The following ANKRD45 variants were observed in gnomAD, a reference collection of about 807,000 sequenced individuals.
ANKRD45 encodes ankyrin repeat domain-containing protein 45.
ANKRD45 carries 21 observed loss-of-function variants against 28.1 expected under a neutral mutation model. The observed-to-expected ratio is 0.75, with a 90% CI of 0.53 to 1.08. The LOEUF (loss-of-function observed/expected upper bound fraction) is 1.08, where lower values mean the gene tolerates loss of function less well. ANKRD45 is among the 50% of genes least tolerant of loss of function. ANKRD45 has a pLI of 0.00. For synonymous variants in ANKRD45, 86 were observed against 103.9 expected (o/e 0.83, Z 1.05); for missense variants, 261 against 308.7 (o/e 0.85, Z 1.16).
Position 173,608,380 on chromosome 1 carries a change from C to T in ANKRD45, c.*1765G>A, listed in dbSNP as rs1021779937. ...TCACCCAGGCTGGAATGCAGTGGTG[C>T]GATCTCGGCTCACTGCAACCTCCAC... On this transcript the variant is annotated 3_prime_UTR_variant, in exon 6 of 6. Transcript: ENST00000333279. Among the ~76,000 whole-genome samples, 54 of 152,190 alleles carry T rather than the reference C, an allele frequency of 3.5e-4. No individual in the cohort carries two copies. The highest frequency in any genetic ancestry group is 2.5e-3 in the Admixed American group (38 of 15,296).
At chr1:173,627,709 G>A (rs867683823) in intron 3 of ANKRD45, among the ~76,000 whole-genome samples, 5 of 152,040 alleles carry the variant, frequency 3.3e-5, no homozygotes, top group African/African-American at 7.3e-5. Context: ...CACGAGGGCT[G>A]CAATTCCTGG....
intron 3 of ANKRD45, chr1:173,635,749 A>G (rs762024453): frequency 6.5e-7 from 1 of 1,535,498 alleles, no homozygotes; most frequent in South Asian, 1.2e-5. Context: ...AGGGTTGTTT[A>G]TATCTCATTT....
chr1:173,702,908 T>G, the ANKRD45 span, among the ~76,000 whole-genome samples: 12,511 of 151,894 alleles, frequency 0.082, 749 homozygotes, highest in East Asian at 0.32. Flanking sequence ...TTATTTCTTT[T>G]ACAGACAGGA....
At chr1:173,634,514 A>G (rs1195416289) in intron 3 of ANKRD45, among the ~76,000 whole-genome samples, 2 of 151,778 alleles carry the variant, frequency 1.3e-5, no homozygotes, top group Non-Finnish European at 3.0e-5. Context: ...TGCTTCCCCA[A>G]TCTTAGATAC....
chr1:173,651,945 T>G (rs1388401819), intron 2 of ANKRD45, among the ~76,000 whole-genome samples: 1 of 152,260 alleles, frequency 6.6e-6, no homozygotes, highest in African/African-American at 2.4e-5. Flanking sequence ...ACATTGCTTT[T>G]GTATCCTGAG....
At chr1:173,693,057 TGGGGGGCCG>T in the ANKRD45 span, among the ~76,000 whole-genome samples, 1 of 143,182 alleles carries the variant, frequency 7.0e-6, no homozygotes, top group Non-Finnish European at 1.5e-5. Flanking sequence ...GGCCAAGGGA[TGGGGGGCCG>T]GGGGGGTGGA....
At chr1:173,667,181 T>G (rs1670061549) in intron 1 of ANKRD45, among the ~76,000 whole-genome samples, 1 of 152,202 alleles carries the variant, frequency 6.6e-6, no homozygotes, top group African/African-American at 2.4e-5. Context: ...ATGTTAACAT[T>G]TGGAAAACTG....
At chr1:173,667,706 TA>T (rs76892513) in intron 1 of ANKRD45, 48,673 of 332,184 alleles carry the variant, frequency 0.15, 1,577 homozygotes, top group East Asian at 0.35. Flanking sequence ...GACCCCATCT[TA>T]AAAAAAAAAA....
At chr1:173,699,608 C>T in the ANKRD45 span, among the ~76,000 whole-genome samples, 3 of 151,970 alleles carry the variant, frequency 2.0e-5, no homozygotes, top group South Asian at 6.2e-4. Flanking sequence ...AAAGGCCTGA[C>T]AAAATTCAAC....
At chr1:173,641,440 T>C (rs1194695328) in intron 3 of ANKRD45, among the ~76,000 whole-genome samples, 1 of 152,180 alleles carries the variant, frequency 6.6e-6, no homozygotes, top group Non-Finnish European at 1.5e-5. Flanking sequence ...CAGAGGGCAA[T>C]CCAGCTTCCA....
intron 3 of ANKRD45, among the ~76,000 whole-genome samples, chr1:173,632,112 G>C (rs544453539): frequency 6.6e-6 from 1 of 151,596 alleles, no homozygotes; most frequent in South Asian, 2.1e-4. Flanking sequence ...AAGAAAAAAA[G>C]AAAGGCCCAA....
In ANKRD45 at chr1:173,610,206, T is replaced by C. The variant is rs1359056502; in HGVS notation, c.740A>G (p.Lys247Arg). Residue 247 changes from lysine to arginine, a missense_variant, in exon 6 of 6, where the codon AAA becomes AGA. By Grantham distance (26) the Lys-to-Arg change is conservative. Coordinates refer to ENST00000333279, the MANE Select transcript of ANKRD45 (RefSeq NM_198493.3). ...FTKMTTPCQVKSAKSVTSHDQ... is the reference protein window; with the variant it reads ...FTKMTTPCQVRSAKSVTSHDQ... ...ATGGCTTGTTACAGATTTGGCACTT[T>C]TCACTTGACCTGAAAGGAAACAGAT... The C allele has an allele frequency of 6.2e-6, 10 of 1,613,962 alleles. No individual in the cohort carries two copies. The highest frequency in any genetic ancestry group is 7.6e-6 in the Non-Finnish European group (9 of 1,179,914).
chr1:173,659,489 G>C, intron 1 of ANKRD45, 56 bp from the exon 2 acceptor site: 1 of 1,416,952 alleles, frequency 7.1e-7, no homozygotes, highest in Non-Finnish European at 9.4e-7. Context: ...ATCAGTATTT[G>C]TTTATTTATT....
chr1:173,637,671 G>C (rs1361517944), intron 3 of ANKRD45, among the ~76,000 whole-genome samples: 2 of 152,192 alleles, frequency 1.3e-5, no homozygotes, highest in Non-Finnish European at 2.9e-5. Flanking sequence ...CAGTAGGGTG[G>C]ATGCATCAGG....
chr1:173,608,928 GGGAAGGGAGGGGAAGGGAGA>G lies in ANKRD45; in HGVS notation c.*1197_*1216del, dbSNP rs1303086157. Among the ~76,000 whole-genome samples the G allele has an allele frequency of 5.9e-3, 491 of 83,622 alleles. 3 individuals are homozygous for G. Among genetic ancestry groups the G allele is most frequent in the Non-Finnish European group, 8.2e-3 (375 of 45,970 alleles). 54.9% of individuals were successfully genotyped at this position (83,622 alleles called of 152,430 possible). The stretch of plus-strand genomic sequence containing the variant: ...GGGAGAGGAAGGGAGGGGAAGGGAG[GGGAAGGGAGGGGAAGGGAGA>G]GGAAGGGAGAGGAAGGAGAAGGGGA... On this transcript the variant is annotated 3_prime_UTR_variant, in exon 6 of 6. Transcript: ENST00000333279.
At chr1:173,630,197 A>G (rs1306960571) in intron 3 of ANKRD45, among the ~76,000 whole-genome samples, 2 of 152,216 alleles carry the variant, frequency 1.3e-5, no homozygotes, top group Non-Finnish European at 2.9e-5. Context: ...GATGTTAATG[A>G]GCCATAAGAA....
At chr1:173,690,062 G>GCCCCCCCCCC in the ANKRD45 span, among the ~76,000 whole-genome samples, 1 of 52,866 alleles carries the variant, frequency 1.9e-5, no homozygotes, top group Non-Finnish European at 4.1e-5. Context: ...CCTGCCCCCC[G>GCCCCCCCCCC]CCCCCCCCCC....
At chr1:173,706,299 C>CT in the ANKRD45 span, among the ~76,000 whole-genome samples, 2 of 88,290 alleles carry the variant, frequency 2.3e-5, no homozygotes, top group Non-Finnish European at 4.0e-5. Context: ...AAGATTCCGT[C>CT]TCAAAAAAAA....
chr1:173,656,479 C>G (rs915964103), intron 2 of ANKRD45, among the ~76,000 whole-genome samples: 1 of 152,140 alleles, frequency 6.6e-6, no homozygotes, highest in Non-Finnish European at 1.5e-5. Flanking sequence ...TTCTTATACT[C>G]TAATCTTTAT....
Sources: allele counts gnomAD v4.1 joint callset (sites outside exome capture counted in the v4.1 genomes callset), GRCh38; gene constraint gnomAD v4.1.1; transcripts MANE v1.5; gene names NCBI Gene and HGNC (gene_info 2026-07-23, HGNC 2026-07-21).